Variants in SESTD1 observed in about 807,000 individuals in gnomAD.
SESTD1 encodes SEC14 and spectrin domain containing 1.
A neutral mutation model predicts 101.7 loss-of-function variants in SESTD1; 43 were observed. The observed-to-expected ratio is 0.42, with a 90% CI of 0.33 to 0.55. SESTD1 has a LOEUF of 0.55. Ranked by LOEUF, SESTD1 falls within the 20% of genes least tolerant of loss-of-function variation. The probability of loss-of-function intolerance (pLI) is 0.07; values close to 1 mark genes in which losing one functional copy is unlikely to be tolerated. For missense variants in SESTD1, 647 were observed against 815.1 expected, an observed-to-expected ratio of 0.79 and a Z score of 2.51; for synonymous variants, 283 against 286.8, an observed-to-expected ratio of 0.99 and a Z score of 0.13.
chr2:179,259,805 A>T (rs938397117), intron 1 of SESTD1, among the ~76,000 whole-genome samples: 1 of 152,224 alleles, frequency 6.6e-6, no homozygotes, highest in African/African-American at 2.4e-5. Flanking sequence ...TAACTGCCCT[A>T]TAAGTGTTAT....
At position 179,143,587 on chromosome 2, in the gene SESTD1, C is replaced by T. The variant is rs760053558; in HGVS notation, c.849+5G>A. On this transcript the variant is annotated splice_donor_5th_base_variant and intron_variant, in intron 9 of 17. Coordinates refer to ENST00000428443, the MANE Select transcript of SESTD1 (RefSeq NM_178123.5). ...GAGTTAAATATATTCAAATCAGACACCTACCTGCATTACCTTCTGTTGAAT... is the reference window on the plus strand; with the variant it reads ...GAGTTAAATATATTCAAATCAGACATCTACCTGCATTACCTTCTGTTGAAT... The T allele has an allele frequency of 2.5e-6, 4 of 1,612,886 alleles. No homozygotes were observed.
intron 1 of SESTD1, among the ~76,000 whole-genome samples, chr2:179,261,238 GCCA>G (rs2047478724): frequency 6.6e-6 from 1 of 152,178 alleles, no homozygotes; most frequent in Non-Finnish European, 1.5e-5. Flanking sequence ...TGGCAGTGTT[GCCA>G]CAACACCTTA....
At chr2:179,197,839 C>T (rs1206983495) in intron 1 of SESTD1, among the ~76,000 whole-genome samples, 6 of 152,070 alleles carry the variant, frequency 3.9e-5, no homozygotes, top group Non-Finnish European at 8.8e-5. Flanking sequence ...CAACCGGTAC[C>T]AGCCACTGCA....
At chr2:179,114,342 A>G (rs1158978241) in intron 16 of SESTD1, among the ~76,000 whole-genome samples, 2 of 152,200 alleles carry the variant, frequency 1.3e-5, no homozygotes, top group African/African-American at 4.8e-5. Flanking sequence ...AGGTTTGCTA[A>G]TATCTCAAAG....
chr2:179,164,097 G>A lies in SESTD1; in HGVS notation c.369+8023C>T, dbSNP rs147032725. The stretch of plus-strand genomic sequence containing the variant: ...ATTTCTGCACTTAGTAAAGATTCAT[G>A]TGTGTATATATGTTCATACACATAC... On this transcript the variant is annotated intron_variant, in intron 5 of 17. Coordinates refer to ENST00000428443, the MANE Select transcript of SESTD1 (RefSeq NM_178123.5). Among the ~76,000 whole-genome samples, 6 of 152,304 alleles carry A rather than the reference G, an allele frequency of 3.9e-5. No homozygotes were observed. The East Asian group carries it at 1.2e-3, about 29-fold the overall frequency.
At chr2:179,188,633 G>A (rs2046272118) in intron 2 of SESTD1, among the ~76,000 whole-genome samples, 1 of 151,920 alleles carries the variant, frequency 6.6e-6, no homozygotes, top group Admixed American at 6.6e-5. Flanking sequence ...GACAAAGTGA[G>A]ATCCTGTCTC....
intron 1 of SESTD1, among the ~76,000 whole-genome samples, chr2:179,203,660 C>T (rs1574033983): frequency 7.4e-6 from 1 of 134,644 alleles, no homozygotes; most frequent in Non-Finnish European, 1.6e-5. Context: ...AGTGAATTAT[C>T]GAACCTGAAG....
chr2:179,228,007 C>G (rs2046915459), intron 1 of SESTD1, among the ~76,000 whole-genome samples: 1 of 152,160 alleles, frequency 6.6e-6, no homozygotes, highest in Non-Finnish European at 1.5e-5. Flanking sequence ...TCACATTGGT[C>G]TCACTGCTTA....
At chr2:179,128,707 G>A (rs1396394078) in intron 10 of SESTD1, among the ~76,000 whole-genome samples, 14 of 142,896 alleles carry the variant, frequency 9.8e-5, no homozygotes, top group African/African-American at 3.6e-4. Flanking sequence ...CCAGGCTGGC[G>A]AGAGAGCTAG....
At chr2:179,120,130 G>A (rs1332369382) in intron 13 of SESTD1, among the ~76,000 whole-genome samples, 2 of 152,072 alleles carry the variant, frequency 1.3e-5, no homozygotes, top group Non-Finnish European at 1.5e-5. Context: ...TCGGAAGGCT[G>A]AGGCAGAAGA....
chr2:179,236,925 T>G (rs1352193815), intron 1 of SESTD1, among the ~76,000 whole-genome samples: 8 of 138,284 alleles, frequency 5.8e-5, no homozygotes, highest in Non-Finnish European at 1.3e-4. Context: ...ACAAGGATCA[T>G]CTTTTTGGTC....
intron 5 of SESTD1, among the ~76,000 whole-genome samples, chr2:179,155,341 C>T (rs1420338342): frequency 6.6e-6 from 1 of 152,054 alleles, no homozygotes; most frequent in Non-Finnish European, 1.5e-5. Context: ...AGATATATAA[C>T]TATATATACT....
At chr2:179,181,539 T>C (rs936633715) in intron 3 of SESTD1, among the ~76,000 whole-genome samples, 2 of 152,160 alleles carry the variant, frequency 1.3e-5, no homozygotes, top group African/African-American at 4.8e-5. Context: ...TCACATGAGA[T>C]GCAACTACAC....
intron 1 of SESTD1, among the ~76,000 whole-genome samples, chr2:179,235,728 T>G (rs1423100772): frequency 6.6e-6 from 1 of 152,208 alleles, no homozygotes; most frequent in Non-Finnish European, 1.5e-5. Flanking sequence ...TCACTCCATT[T>G]GAAAATCCCG....
At position 179,151,360 on chromosome 2, in the gene SESTD1, C is replaced by T. The variant is rs764896327; in HGVS notation, c.401G>A (p.Arg134His). The T allele has an allele frequency of 3.1e-6, 5 of 1,603,284 alleles. No individual in the cohort carries two copies. The highest frequency in any genetic ancestry group is 2.3e-5 in the East Asian group (1 of 44,198). ...TGTTAATTGGCATGGTTCTATATAA[C>T]GAGTCAATTTGTTGGCGGACACTAA... Reference protein sequence around the residue: ...VILVSANKLTRYIEPCQLTED... With the variant: ...VILVSANKLTHYIEPCQLTED... Residue 134 changes from arginine (R) to histidine (H), a missense_variant, in exon 6 of 18, where the codon CGT (arginine) becomes CAT (histidine). Coordinates refer to ENST00000428443, the MANE Select transcript of SESTD1 (RefSeq NM_178123.5).
In SESTD1 at chr2:179,117,152, G is replaced by A. The variant is rs139904097; in HGVS notation, c.1525-362C>T. Among the ~76,000 whole-genome samples the A allele has an allele frequency of 5.9e-3, 892 of 152,264 alleles. 1 individual carries two copies. The highest frequency in any genetic ancestry group is 0.01 in the Non-Finnish European group (696 of 68,008). ...TCTAACTGAAATGATGTTCTCTGAT[G>A]ATAACGACAAAATATATCAAATTGT... On this transcript the variant is annotated intron_variant, in intron 14 of 17. Coordinates refer to ENST00000428443, the MANE Select transcript of SESTD1 (RefSeq NM_178123.5).
At chr2:179,128,514 A>AG (rs1042927305) in intron 10 of SESTD1, among the ~76,000 whole-genome samples, 8 of 152,176 alleles carry the variant, frequency 5.3e-5, no homozygotes, top group African/African-American at 1.9e-4. Context: ...GCAGATCACG[A>AG]GGTCAGGAGA....
intron 5 of SESTD1, among the ~76,000 whole-genome samples, chr2:179,156,152 G>T (rs1301781138): frequency 6.6e-6 from 1 of 151,316 alleles, no homozygotes; most frequent in Non-Finnish European, 1.5e-5. Flanking sequence ...GTATATATAT[G>T]TGTATATATG....
chr2:179,171,750 T>C (rs2045934064), intron 5 of SESTD1, among the ~76,000 whole-genome samples: 1 of 152,090 alleles, frequency 6.6e-6, no homozygotes, highest in African/African-American at 2.4e-5. Flanking sequence ...AAAAAATAAT[T>C]ATGACATGTC....
Sources: gnomAD v4.1 joint callset for allele counts (sites outside exome capture counted in the v4.1 genomes callset) on GRCh38, gnomAD v4.1.1 for gene constraint, MANE v1.5 for transcripts, NCBI Gene and HGNC (gene_info 2026-07-23, HGNC 2026-07-21) for gene names.